Variants in NHSL1 observed in about 807,000 individuals in gnomAD.
The protein encoded by NHSL1 is NHS-like protein 1.
NHSL1 carries 48 observed loss-of-function variants against 95.0 expected under a neutral mutation model. The ratio of observed to expected loss-of-function variants is 0.51; its 90% CI spans 0.40 to 0.64. The LOEUF (loss-of-function observed/expected upper bound fraction) is 0.64, where lower values mean the gene tolerates loss of function less well. Among genes scored for constraint, NHSL1 ranks in the 30% least tolerant of loss-of-function variants. The pLI, the probability that NHSL1 is intolerant of heterozygous loss-of-function variation, is 0.00. For missense variants in NHSL1, 1,971 were observed against 2,077.7 expected (o/e 0.95, Z 1.00); for synonymous variants, 783 against 833.9 (o/e 0.94, Z 1.05).
chr6:138,670,140 AAATC>A (rs897588024), intron 1 of NHSL1, among the ~76,000 whole-genome samples: 1 of 151,586 alleles, frequency 6.6e-6, no homozygotes, highest in African/African-American at 2.4e-5. Context: ...AATAAAAATA[AAATC>A]AATCAATCAA....
intron 1 of NHSL1, among the ~76,000 whole-genome samples, chr6:138,602,046 C>G (rs1171340370): frequency 6.6e-6 from 1 of 152,066 alleles, no homozygotes; most frequent in African/African-American, 2.4e-5. Flanking sequence ...ACTAATTAAG[C>G]TGGGATTTTT....
At chr6:138,471,163 T>A (rs1450354025) in intron 3 of NHSL1, among the ~76,000 whole-genome samples, 1 of 152,130 alleles carries the variant, frequency 6.6e-6, no homozygotes, top group East Asian at 1.9e-4. Context: ...CTAACTTCCC[T>A]CAGAGTTGAG....
At chr6:138,498,319 C>T (rs1429841648) in intron 1 of NHSL1, among the ~76,000 whole-genome samples, 4 of 152,356 alleles carry the variant, frequency 2.6e-5, no homozygotes, top group African/African-American at 9.6e-5. Context: ...CCCCACTGCA[C>T]AGCTACCAAC....
chr6:138,614,028 T>C (rs1241213710), intron 1 of NHSL1, among the ~76,000 whole-genome samples: 1 of 152,222 alleles, frequency 6.6e-6, no homozygotes, highest in East Asian at 1.9e-4. Context: ...CCAATATCCC[T>C]TTTCTAATTC....
chr6:138,605,198 C>T (rs1238211414), intron 1 of NHSL1, among the ~76,000 whole-genome samples: 1 of 152,012 alleles, frequency 6.6e-6, no homozygotes, highest in Non-Finnish European at 1.5e-5. Context: ...TTGGATTTCA[C>T]CATTTTTCGC....
chr6:138,663,854 G>C (rs866221018), intron 1 of NHSL1, among the ~76,000 whole-genome samples: 4 of 152,230 alleles, frequency 2.6e-5, no homozygotes, highest in Middle Eastern at 3.4e-3. Context: ...CTGGGTGACA[G>C]AGCAAGACTC....
rs1775582219 is a variant in NHSL1 at position 138,430,738 on chromosome 6, G to C, written c.3607C>G (p.Leu1203Val). Residue 1203 changes from leucine to valine, a missense_variant, in exon 6 of 8, where the codon CTG (leucine) becomes GTG (valine). This residue lies in a region of NHSL1 where 1,602 missense variants were observed against 1,654.5 expected (regional missense o/e 0.97). Coordinates refer to ENST00000343505, the MANE Select transcript of NHSL1 (RefSeq NM_001144060.2). The surrounding 1 kb of genome is among the most constrained non-coding windows in gnomAD (Gnocchi z 4.7). ...TCTTTCTGCGGAGGTGGTACCACCA[G>C]GAACAGTTTGGGCTTCTTGGAAATG... ...PPISKKPKLF[L>V]VVPPPQKDFA... 30 of 1,551,796 alleles carry C rather than the reference G, an allele frequency of 1.9e-5. No homozygotes were observed. The highest frequency in any genetic ancestry group is 1.7e-4 in the Middle Eastern group (1 of 5,992).
intron 1 of NHSL1, among the ~76,000 whole-genome samples, chr6:138,637,587 C>T (rs1236144953): frequency 1.3e-4 from 19 of 151,998 alleles, no homozygotes; most frequent in Admixed American, 1.2e-3. Context: ...AAAGATTTCT[C>T]AAAACAAGAC....
At chr6:138,484,907 C>T (rs751925821) in intron 2 of NHSL1, among the ~76,000 whole-genome samples, 2 of 152,158 alleles carry the variant, frequency 1.3e-5, no homozygotes, top group Non-Finnish European at 2.9e-5. Flanking sequence ...CAGCTTTTAA[C>T]ATTTCTTCTT....
intron 2 of NHSL1, among the ~76,000 whole-genome samples, chr6:138,491,145 T>C (rs1051783888): frequency 6.6e-6 from 1 of 152,220 alleles, no homozygotes; most frequent in African/African-American, 2.4e-5. Context: ...CCATGGAGCA[T>C]GCTGACCTGC....
At chr6:138,643,118 G>T (rs1251728698) in intron 1 of NHSL1, among the ~76,000 whole-genome samples, 1 of 152,178 alleles carries the variant, frequency 6.6e-6, no homozygotes, top group Admixed American at 6.5e-5. Context: ...TTTTTTAGCA[G>T]CAGCTACCAT....
At chr6:138,496,770 T>C (rs571345355) in intron 1 of NHSL1, among the ~76,000 whole-genome samples, 1 of 152,282 alleles carries the variant, frequency 6.6e-6, no homozygotes, top group South Asian at 2.1e-4. Flanking sequence ...CAACAGTAAA[T>C]GTTAGACTGT....
At chr6:138,683,573 C>T (rs1157938559) in intron 1 of NHSL1, among the ~76,000 whole-genome samples, 5 of 152,218 alleles carry the variant, frequency 3.3e-5, no homozygotes, top group Non-Finnish European at 4.4e-5. Flanking sequence ...GCCCAAAAGC[C>T]TTCTTGTTTT....
intron 1 of NHSL1, among the ~76,000 whole-genome samples, chr6:138,523,627 GAAAAAAAAAAAAAA>G (rs67335375): frequency 6.2e-5 from 4 of 64,890 alleles, no homozygotes; most frequent in African/African-American, 2.3e-4. Flanking sequence ...TTTTAAAGAG[GAAAAAAAAAAAAAA>G]AAAAAAAAAA....
At chr6:138,442,832 T>C (rs907809717) in intron 4 of NHSL1, among the ~76,000 whole-genome samples, 10 of 152,192 alleles carry the variant, frequency 6.6e-5, no homozygotes, top group South Asian at 2.1e-4. Flanking sequence ...TGCCACATCA[T>C]AGGACTTCTT....
At chr6:138,452,863 G>T (rs554435156) in intron 3 of NHSL1, among the ~76,000 whole-genome samples, 1 of 151,996 alleles carries the variant, frequency 6.6e-6, no homozygotes, top group Non-Finnish European at 1.5e-5. Flanking sequence ...AAAAAGTGGG[G>T]GTAGTGGAAA....
At chr6:138,550,787 T>G (rs1782973841) in intron 1 of NHSL1, among the ~76,000 whole-genome samples, 1 of 152,152 alleles carries the variant, frequency 6.6e-6, no homozygotes, top group South Asian at 2.1e-4. Context: ...AAAATTTGAC[T>G]TCATTCCTGG....
intron 1 of NHSL1, among the ~76,000 whole-genome samples, chr6:138,543,300 C>T (rs1782655903): frequency 6.6e-6 from 1 of 152,134 alleles, no homozygotes; most frequent in South Asian, 2.1e-4. Flanking sequence ...ATACAAAATG[C>T]AGTTGGGAGA....
At chr6:138,474,577 T>A (rs1243673048) in intron 2 of NHSL1, among the ~76,000 whole-genome samples, 1 of 151,990 alleles carries the variant, frequency 6.6e-6, no homozygotes, top group Non-Finnish European at 1.5e-5. Flanking sequence ...AAAATGAGGA[T>A]CTGTTAGAAT....
Sources: allele counts gnomAD v4.1 joint callset (sites outside exome capture counted in the v4.1 genomes callset), GRCh38; gene constraint gnomAD v4.1.1; regional missense constraint gnomAD v4.1.1; non-coding constraint Gnocchi (gnomAD v3.1); transcripts MANE v1.5; gene names NCBI Gene and HGNC (gene_info 2026-07-23, HGNC 2026-07-21).